Variants in KCTD16 observed in about 807,000 individuals in gnomAD.
KCTD16 encodes the protein potassium channel tetramerization domain containing 16.
Under a neutral mutation model 33.2 loss-of-function variants are expected in KCTD16, and 13 were observed. That is an observed-to-expected ratio of 0.39 (90% CI 0.25 to 0.62). KCTD16 has a LOEUF of 0.62. Ranked by LOEUF, KCTD16 falls within the 20% of genes least tolerant of loss-of-function variation. The pLI is 0.50. For missense variants in KCTD16, 441 were observed against 525.1 expected, an observed-to-expected ratio of 0.84 and a Z score of 1.57; for synonymous variants, 197 against 195.3, an observed-to-expected ratio of 1.01 and a Z score of -0.07.
At chr5:144,283,945 A>C (rs1002523612) in intron 3 of KCTD16, among the ~76,000 whole-genome samples, 5 of 152,210 alleles carry the variant, frequency 3.3e-5, no homozygotes, top group Admixed American at 2.6e-4. Flanking sequence ...ACCCAAGAAT[A>C]ATATGGCCTC....
At chr5:144,351,362 A>G (rs926204140) in intron 3 of KCTD16, among the ~76,000 whole-genome samples, 1 of 152,212 alleles carries the variant, frequency 6.6e-6, no homozygotes, top group Non-Finnish European at 1.5e-5. Flanking sequence ...GCAATATCAC[A>G]TCGTATCTGT....
chr5:144,414,249 C>T (rs1339475358), intron 3 of KCTD16, among the ~76,000 whole-genome samples: 4 of 152,134 alleles, frequency 2.6e-5, no homozygotes, highest in African/African-American at 9.7e-5. Flanking sequence ...ACGGTGTCGA[C>T]ATTGTATAGT....
chr5:144,447,354 C>T (rs937421476), intron 3 of KCTD16, among the ~76,000 whole-genome samples: 1 of 152,104 alleles, frequency 6.6e-6, no homozygotes, highest in Non-Finnish European at 1.5e-5. Context: ...GGGAGTTGAA[C>T]AATAAGAATA....
intron 3 of KCTD16, among the ~76,000 whole-genome samples, chr5:144,299,531 A>T (rs1249549700): frequency 6.6e-6 from 1 of 152,162 alleles, no homozygotes; most frequent in African/African-American, 2.4e-5. Flanking sequence ...AATGAAAAAA[A>T]TAGGTTTTGT....
chr5:144,380,587 A>G (rs1752191899), intron 3 of KCTD16, among the ~76,000 whole-genome samples: 1 of 152,116 alleles, frequency 6.6e-6, no homozygotes, highest in Non-Finnish European at 1.5e-5. Flanking sequence ...TCAACTTCAA[A>G]CTACATTATG....
intron 3 of KCTD16, among the ~76,000 whole-genome samples, chr5:144,301,908 G>A (rs1305247989): frequency 6.6e-6 from 1 of 152,118 alleles, no homozygotes; most frequent in East Asian, 1.9e-4. Context: ...TTATTTTATT[G>A]TTTCTAATGA....
intron 3 of KCTD16, among the ~76,000 whole-genome samples, chr5:144,234,596 G>A (rs1346264320): frequency 6.6e-6 from 1 of 152,022 alleles, no homozygotes; most frequent in African/African-American, 2.4e-5. Context: ...CTACTTGTCA[G>A]CTTTATGAGG....
intron 3 of KCTD16, among the ~76,000 whole-genome samples, chr5:144,306,214 GA>G (rs1464785243): frequency 2.0e-5 from 3 of 152,236 alleles, no homozygotes; most frequent in African/African-American, 7.2e-5. Flanking sequence ...CTTGAGCAGA[GA>G]AGGTAACAGT....
Position 144,170,960 on chromosome 5 carries a change from T to G in KCTD16, c.-542T>G, listed in dbSNP as rs1752367996. ...TGTCCACAAACTACAATGCCTACAA[T>G]GCCTCGGTGTCAGCATTTACTGTGA... On this transcript the variant is annotated 5_prime_UTR_variant, in exon 1 of 4. It removes an upstream start codon present in the reference 5' UTR. Coordinates refer to ENST00000512467, the MANE Select transcript of KCTD16 (RefSeq NM_020768.4). The G allele has an allele frequency of 6.6e-6, 1 of 152,266 alleles. No homozygotes were observed. The highest frequency in any genetic ancestry group is 2.4e-5 in the African/African-American group (1 of 41,462). 9.4% of individuals were successfully genotyped at this position (152,266 alleles called of 1,614,324 possible).
At chr5:144,226,651 C>T (rs753115289) in intron 3 of KCTD16, among the ~76,000 whole-genome samples, 26 of 151,868 alleles carry the variant, frequency 1.7e-4, no homozygotes, top group South Asian at 1.2e-3. Flanking sequence ...TGGCTCACTG[C>T]GACCTCTGCC....
At chr5:144,386,948 C>T (rs1286263314) in intron 3 of KCTD16, among the ~76,000 whole-genome samples, 1 of 151,954 alleles carries the variant, frequency 6.6e-6, no homozygotes, top group African/African-American at 2.4e-5. Context: ...TAGCTTACAT[C>T]TGTAGAGCCC....
At chr5:144,263,713 TA>T (rs1461406816) in intron 3 of KCTD16, among the ~76,000 whole-genome samples, 1 of 152,200 alleles carries the variant, frequency 6.6e-6, no homozygotes, top group East Asian at 1.9e-4. Flanking sequence ...TCAGACCAAT[TA>T]TTCCATCTGT....
intron 3 of KCTD16, among the ~76,000 whole-genome samples, chr5:144,269,629 G>A (rs1050890560): frequency 6.6e-6 from 1 of 152,064 alleles, no homozygotes; most frequent in Non-Finnish European, 1.5e-5. Context: ...AAGGACAGCA[G>A]ACAGTAACTC....
rs117287017 is a variant in KCTD16, at chr5:144,269,271, A to G, written c.832+61725A>G. Among the ~76,000 whole-genome samples, 3 of 152,112 alleles carry G rather than the reference A, an allele frequency of 2.0e-5. No individual in the cohort carries two copies. The East Asian group carries it at 5.8e-4, about 30-fold the overall frequency. On this transcript the variant is annotated intron_variant, in intron 3 of 3. Coordinates refer to ENST00000512467, the MANE Select transcript of KCTD16 (RefSeq NM_020768.4). ...CAAGAAACTAAGTAAGATGAATGCA[A>G]AGAGACTCACACTGAGACACATTAT... is the stretch of plus-strand genomic sequence containing the variant.
chr5:144,343,499 T>C (rs1752701439), intron 3 of KCTD16, among the ~76,000 whole-genome samples: 1 of 152,188 alleles, frequency 6.6e-6, no homozygotes, highest in East Asian at 1.9e-4. Context: ...GCTAGCGGTC[T>C]ATCAATTTTG....
chr5:144,433,498 A>T (rs11958848), intron 3 of KCTD16, among the ~76,000 whole-genome samples: 100,359 of 152,004 alleles, frequency 0.66, 33,793 homozygotes, highest in South Asian at 0.8. Context: ...TGATTTTTTT[A>T]AAATGACCAA....
At chr5:144,235,727 T>C (rs1243894889) in intron 3 of KCTD16, among the ~76,000 whole-genome samples, 1 of 152,128 alleles carries the variant, frequency 6.6e-6, no homozygotes, top group East Asian at 1.9e-4. Flanking sequence ...TATATTATAA[T>C]GTTCTCTATA....
At chr5:144,383,544 GGA>G (rs974069994) in intron 3 of KCTD16, among the ~76,000 whole-genome samples, 9 of 58,510 alleles carry the variant, frequency 1.5e-4, no homozygotes, top group Non-Finnish European at 2.6e-4. Flanking sequence ...AGAGGGTGAA[GGA>G]AAAAAAAAAA....
intron 3 of KCTD16, among the ~76,000 whole-genome samples, chr5:144,462,357 G>C (rs1040702503): frequency 6.6e-6 from 1 of 151,996 alleles, no homozygotes. Flanking sequence ...ATATTTGCCA[G>C]CTAATCAATC....
Sources: gnomAD v4.1 joint callset for allele counts (sites outside exome capture counted in the v4.1 genomes callset) on GRCh38, gnomAD v4.1.1 for gene constraint, MANE v1.5 for transcripts, NCBI Gene and HGNC (gene_info 2026-07-23, HGNC 2026-07-21) for gene names.